Variants in GALNT13 observed in about 807,000 individuals in gnomAD.
The protein encoded by GALNT13 is UDP-GalNAc:polypeptide N-acetylgalactosaminyltransferase 13.
GALNT13 carries 28 observed loss-of-function variants against 64.2 expected under a neutral mutation model. The ratio of observed to expected loss-of-function variants is 0.44; its 90% CI spans 0.32 to 0.60. GALNT13 has a LOEUF of 0.60. GALNT13 is among the 20% of genes least tolerant of loss of function. The pLI, the probability that GALNT13 is intolerant of heterozygous loss-of-function variation, is 0.05. For synonymous variants in GALNT13, 214 were observed against 224.6 expected, an observed-to-expected ratio of 0.95 and a Z score of 0.42; for missense variants, 577 against 669.8, an observed-to-expected ratio of 0.86 and a Z score of 1.53.
chr2:154,351,465 C>T (rs1418737869), intron 9 of GALNT13, among the ~76,000 whole-genome samples: 2 of 151,886 alleles, frequency 1.3e-5, no homozygotes, highest in East Asian at 1.9e-4. Flanking sequence ...AGGCGGATCA[C>T]GAGGTCAGGA....
intron 9 of GALNT13, among the ~76,000 whole-genome samples, chr2:154,321,833 CAT>C (rs1229297087): frequency 2.0e-5 from 3 of 152,148 alleles, no homozygotes; most frequent in East Asian, 1.9e-4. Flanking sequence ...CATTAAGTAA[CAT>C]ATATGTTACA....
chr2:153,765,699 G>T, the GALNT13 span, among the ~76,000 whole-genome samples: 1 of 152,060 alleles, frequency 6.6e-6, no homozygotes, highest in Non-Finnish European at 1.5e-5. Context: ...AGGGGTCAGG[G>T]GCAGAATGAT....
At chr2:154,288,489 C>T (rs1438239443) in intron 8 of GALNT13, among the ~76,000 whole-genome samples, 1 of 152,166 alleles carries the variant, frequency 6.6e-6, no homozygotes, top group Admixed American at 6.5e-5. Flanking sequence ...AGTCCAAAGT[C>T]TCATCTGAGA....
chr2:154,147,886 T>A (rs1683715091), intron 4 of GALNT13, among the ~76,000 whole-genome samples: 1 of 151,610 alleles, frequency 6.6e-6, no homozygotes, highest in African/African-American at 2.4e-5. Flanking sequence ...TTTCTTTCTT[T>A]TTTTTTTTGC....
At chr2:154,231,439 T>C (rs1476348450) in intron 4 of GALNT13, among the ~76,000 whole-genome samples, 1 of 152,016 alleles carries the variant, frequency 6.6e-6, no homozygotes, top group Non-Finnish European at 1.5e-5. Context: ...TATAGATGGA[T>C]TTTGTTTTGT....
intron 4 of GALNT13, among the ~76,000 whole-genome samples, chr2:154,201,238 A>T (rs2105779602): frequency 6.6e-6 from 1 of 152,252 alleles, no homozygotes; most frequent in East Asian, 1.9e-4. Flanking sequence ...TAATAAAGAC[A>T]ATAGAAAGTC....
the GALNT13 span, among the ~76,000 whole-genome samples, chr2:153,633,910 C>T: frequency 0.16 from 23,770 of 152,138 alleles, 1,956 homozygotes; most frequent in African/African-American, 0.19. Context: ...ACAGAACTGT[C>T]AATCTTTTCT....
the GALNT13 span, among the ~76,000 whole-genome samples, chr2:153,708,673 C>T: frequency 3.3e-5 from 5 of 152,044 alleles, no homozygotes; most frequent in African/African-American, 1.2e-4. Context: ...TTGTATTTAA[C>T]AATTAAAAGT....
intron 2 of GALNT13, among the ~76,000 whole-genome samples, chr2:153,940,465 C>T (rs1322101314): frequency 1.3e-5 from 2 of 152,070 alleles, no homozygotes; most frequent in African/African-American, 4.8e-5. Context: ...CCATGTTGAC[C>T]AGGCTGGTTT....
the GALNT13 span, among the ~76,000 whole-genome samples, chr2:153,705,196 T>C: frequency 2.0e-5 from 3 of 152,262 alleles, no homozygotes; most frequent in East Asian, 3.9e-4. Context: ...ACTTGAAGAT[T>C]AAAGTTGATT....
the GALNT13 span, among the ~76,000 whole-genome samples, chr2:153,841,617 C>G: frequency 1.3e-5 from 2 of 152,028 alleles, no homozygotes; most frequent in African/African-American, 4.8e-5. Flanking sequence ...TATCTCATCC[C>G]AAAGCTGAAG....
At chr2:153,549,153 T>C in the GALNT13 span, among the ~76,000 whole-genome samples, 3 of 152,142 alleles carry the variant, frequency 2.0e-5, no homozygotes, top group African/African-American at 7.2e-5. Context: ...GGTTTCTTTT[T>C]GGGGTGATAA....
intron 3 of GALNT13, among the ~76,000 whole-genome samples, chr2:154,133,088 TCTAAA>T (rs1682719309): frequency 6.6e-6 from 1 of 152,122 alleles, no homozygotes; most frequent in Non-Finnish European, 1.5e-5. Context: ...TAACCTTCCA[TCTAAA>T]CTAAACGGTG....
the GALNT13 span, among the ~76,000 whole-genome samples, chr2:153,071,924 C>T: frequency 6.6e-6 from 1 of 152,164 alleles, no homozygotes; most frequent in Admixed American, 6.5e-5. Flanking sequence ...TTTGCCAACA[C>T]TTGCCTTAGA....
the GALNT13 span, among the ~76,000 whole-genome samples, chr2:153,673,896 C>A: frequency 6.6e-6 from 1 of 152,046 alleles, no homozygotes; most frequent in Non-Finnish European, 1.5e-5. Flanking sequence ...ACAAGCATTC[C>A]TATACACCAG....
chr2:153,336,983 A>AT, the GALNT13 span, among the ~76,000 whole-genome samples: 1 of 151,624 alleles, frequency 6.6e-6, no homozygotes, highest in Non-Finnish European at 1.5e-5. Context: ...TTTCTTTCTC[A>AT]TTTTTTTCTT....
At position 154,453,979 on chromosome 2, in the gene GALNT13, A is replaced by G. The variant is rs1701969630; in HGVS notation, c.*3428A>G. ...TTTTATTAAAATGCTGCTATATTACATAAGTTGCTTCATTAAGCTAAAAAT... is the reference window on the plus strand; with the variant it reads ...TTTTATTAAAATGCTGCTATATTACGTAAGTTGCTTCATTAAGCTAAAAAT... On this transcript the variant is annotated 3_prime_UTR_variant, in exon 13 of 13. Coordinates refer to ENST00000392825, the MANE Select transcript of GALNT13 (RefSeq NM_052917.4). 1 of 152,170 alleles carries G rather than the reference A, an allele frequency of 6.6e-6. No homozygotes were observed. Among genetic ancestry groups the G allele is most frequent in the African/African-American group, 2.4e-5 (1 of 41,460 alleles). 9.4% of individuals were successfully genotyped at this position (152,170 alleles called of 1,614,324 possible). A position where few individuals can be genotyped will look rare whatever the true frequency, so the allele number is the denominator to read the frequency against.
intron 4 of GALNT13, among the ~76,000 whole-genome samples, chr2:154,197,891 G>A (rs1307827860): frequency 2.7e-5 from 4 of 150,766 alleles, no homozygotes; most frequent in African/African-American, 4.9e-5. Flanking sequence ...AACACAAATG[G>A]TCAACAAATA....
At chr2:153,362,035 G>A in the GALNT13 span, among the ~76,000 whole-genome samples, 97 of 152,218 alleles carry the variant, frequency 6.4e-4, no homozygotes, top group Middle Eastern at 0.01. Flanking sequence ...AGTAGAAACC[G>A]TACAAGCCAG....
Sources: gnomAD v4.1 joint callset for allele counts (sites outside exome capture counted in the v4.1 genomes callset) on GRCh38, gnomAD v4.1.1 for gene constraint, MANE v1.5 for transcripts, NCBI Gene and HGNC (gene_info 2026-07-23, HGNC 2026-07-21) for gene names.